SYNE1: variants seen among roughly 807,000 people sequenced by gnomAD.
SYNE1 encodes nesprin-1.
Under a neutral mutation model 1,111.0 loss-of-function variants are expected in SYNE1, and 616 were observed. That is an observed-to-expected ratio of 0.55 (90% CI 0.52 to 0.59). The LOEUF (loss-of-function observed/expected upper bound fraction) is 0.59, where lower values mean the gene tolerates loss of function less well. Among genes scored for constraint, SYNE1 ranks in the 20% least tolerant of loss-of-function variants. The probability of loss-of-function intolerance (pLI) is 0.00; values close to 1 mark genes in which losing one functional copy is unlikely to be tolerated. For missense variants in SYNE1, 10,006 were observed against 10,417.0 expected, an observed-to-expected ratio of 0.96 and a Z score of 1.72; for synonymous variants, 3,855 against 3,825.8, an observed-to-expected ratio of 1.01 and a Z score of -0.28.
At chr6:152,449,691 A>G (rs929855821) in intron 27 of SYNE1, 50 bp from the exon 28 acceptor site, 2 of 1,354,796 alleles carry the variant, frequency 1.5e-6, no homozygotes, top group Middle Eastern at 1.8e-4. Flanking sequence ...TACCAGAATG[A>G]TCAGAATATG....
intron 127 of SYNE1, among the ~76,000 whole-genome samples, chr6:152,197,739 T>C (rs545759087): frequency 5.3e-5 from 8 of 152,312 alleles, no homozygotes; most frequent in Admixed American, 2.0e-4. Context: ...TGGTGCCATC[T>C]GGGTTTTGTT....
chr6:152,525,989 G>A, intron 5 of SYNE1, 91 bp downstream of exon 5: 2 of 1,160,314 alleles, frequency 1.7e-6, no homozygotes, highest in East Asian at 2.4e-5. Flanking sequence ...TCTTTTACCT[G>A]GGCAGCACAT....
intron 4 of SYNE1, among the ~76,000 whole-genome samples, chr6:152,527,146 A>G (rs1419864163): frequency 2.6e-5 from 4 of 152,156 alleles, no homozygotes; most frequent in African/African-American, 9.7e-5. Context: ...CTGACTTTCA[A>G]TGTTCTTTCT....
rs756840607 is a variant in SYNE1, at chr6:152,347,081, G to T, written c.12056C>A (p.Ala4019Glu). The change falls in exon 73 of 146, where the codon GCG becomes GAG. Residue 4019 changes from alanine (A) to glutamate (E), a missense_variant. Physicochemically the swap from Ala to Glu is moderately radical, Grantham distance 107. Around this residue, in one of 7 missense-constraint regions of SYNE1, gnomAD observed 4,955 missense variants for 5,017.2 expected, o/e 0.99. Transcript: ENST00000367255. ...HLQGTKDSYSAICSTAQRMYQ... is the reference protein window; with the variant it reads ...HLQGTKDSYSEICSTAQRMYQ... Reference sequence around the variant, plus strand: ...CACCCTCTGAGCTGTGCTGCAGATCGCTGAGTAGCTGTCCTTTGTGCCCTG... The same window carrying T: ...CACCCTCTGAGCTGTGCTGCAGATCTCTGAGTAGCTGTCCTTTGTGCCCTG... The T allele has an allele frequency of 4.3e-6, 7 of 1,614,018 alleles. No homozygotes were observed. The highest frequency in any genetic ancestry group is 5.1e-6 in the Non-Finnish European group (6 of 1,180,034).
At chr6:152,186,383 C>A (rs1227672117) in intron 128 of SYNE1, among the ~76,000 whole-genome samples, 1 of 151,224 alleles carries the variant, frequency 6.6e-6, no homozygotes, top group African/African-American at 2.4e-5. Flanking sequence ...ATGGAGAAAC[C>A]CTGTCTCTAC....
intron 34 of SYNE1, 55 bp from the exon 35 acceptor site, chr6:152,430,764 G>A: frequency 6.8e-7 from 1 of 1,463,940 alleles, no homozygotes; most frequent in Non-Finnish European, 9.6e-7. Context: ...TTGCCTTCCT[G>A]AAATGATACA....
chr6:152,544,069 C>T, intron 3 of SYNE1, among the ~76,000 whole-genome samples: 1 of 152,156 alleles, frequency 6.6e-6, no homozygotes, highest in East Asian at 1.9e-4. Flanking sequence ...CAAGTAACAA[C>T]TTTATTAACA....
intron 56 of SYNE1, among the ~76,000 whole-genome samples, chr6:152,379,561 T>A (rs2097360623): frequency 6.6e-6 from 1 of 152,190 alleles, no homozygotes; most frequent in Non-Finnish European, 1.5e-5. Context: ...TTTGTTAACA[T>A]TTTCTTACAT....
intron 3 of SYNE1, among the ~76,000 whole-genome samples, chr6:152,544,588 T>G (rs1391759752): frequency 6.6e-6 from 1 of 152,204 alleles, no homozygotes; most frequent in Non-Finnish European, 1.5e-5. Flanking sequence ...TTTCTGCATT[T>G]CTTTGCCCAT....
chr6:152,414,175 G>A (rs114775540), intron 41 of SYNE1, among the ~76,000 whole-genome samples: 6,411 of 152,028 alleles, frequency 0.042, 256 homozygotes, highest in African/African-American at 0.096. Flanking sequence ...AGGCCAAGGT[G>A]GGAGAACTGC....
chr6:152,227,546 T>C (rs1313303405), intron 115 of SYNE1, among the ~76,000 whole-genome samples: 1 of 152,176 alleles, frequency 6.6e-6, no homozygotes, highest in Admixed American at 6.5e-5. Flanking sequence ...AATATAGTGA[T>C]TGCTGGGGTT....
Position 152,189,180 on chromosome 6 carries a change from C to T in SYNE1, c.23301+72G>A. The T allele has an allele frequency of 2.6e-6, 4 of 1,554,172 alleles. No homozygotes were observed. In the South Asian group the frequency reaches 4.5e-5, roughly 17 times the overall value. ...TGGGCCGGGTCCACATGTGGGTTAA[C>T]CCATCTGACGTTCAAATTCATCTCC... On this transcript the variant is annotated intron_variant, in intron 128 of 145. Coordinates refer to ENST00000367255, the MANE Select transcript of SYNE1 (RefSeq NM_182961.4).
intron 74 of SYNE1, among the ~76,000 whole-genome samples, chr6:152,343,312 C>G (rs2096570513): frequency 6.6e-6 from 1 of 151,310 alleles, no homozygotes; most frequent in Non-Finnish European, 1.5e-5. Context: ...GCGCCTGCCA[C>G]CATGCCCAGC....
rs1591258886 is a variant in SYNE1 at position 152,367,708 on chromosome 6, T to C, written c.9808-326A>G. 6 of 358,120 alleles carry C rather than the reference T, an allele frequency of 1.7e-5. No individual in the cohort carries two copies. In the East Asian group the frequency reaches 3.3e-4, roughly 20 times the overall value. The allele number at this position is 358,120 out of a possible 1,614,324, so 22.2% of individuals were successfully genotyped here. ...CAAAGTAGTTTCTAGTTTTCACATA[T>C]CACATTAGGCTCACCTGACACAACA... On this transcript the variant is annotated intron_variant, in intron 61 of 145. Coordinates refer to ENST00000367255, the MANE Select transcript of SYNE1 (RefSeq NM_182961.4).
intron 11 of SYNE1, among the ~76,000 whole-genome samples, chr6:152,492,092 G>A (rs2098973602): frequency 6.6e-6 from 1 of 152,162 alleles, no homozygotes; most frequent in Non-Finnish European, 1.5e-5. Flanking sequence ...TTAGTGTTCA[G>A]GCTCTTTTTC....
rs780150533 is a variant in SYNE1, at chr6:152,225,779, C to G, written c.21293G>C (p.Ser7098Thr). 16 of 1,613,980 alleles carry G rather than the reference C, an allele frequency of 9.9e-6. No homozygotes were observed. The South Asian group carries it at 1.6e-4, about 17-fold the overall frequency. The change falls in exon 116 of 146, where the codon AGC (serine) becomes ACC (threonine). Residue 7098 changes from serine to threonine, a missense_variant. Physicochemically the swap from Ser to Thr is moderately conservative, Grantham distance 58. Transcript: ENST00000367255. ...LIQNKKEDVS[S>T]IVMSTLRELG... ...CTCTCGCAGTGTGCTCATGACAATG[C>G]TAGAGACGTCTTCTTTCTTGTTCTG...
At position 152,400,867 on chromosome 6, in the gene SYNE1, G is replaced by GA. The variant is rs112642831; in HGVS notation, c.7029+270dup. On this transcript the variant is annotated intron_variant, in intron 47 of 145. Transcript: ENST00000367255. Reference sequence around the variant, plus strand: ...AGAGGCTCCACCCTTTTATAAAAAAGAAAAAAAAACTTTGAACAAGCATAG... The same window carrying GA: ...AGAGGCTCCACCCTTTTATAAAAAAGAAAAAAAAAACTTTGAACAAGCATAG... Among the ~76,000 whole-genome samples the GA allele has an allele frequency of 0.11, 16,630 of 151,132 alleles. 1,272 individuals are homozygous for GA. The highest frequency in any genetic ancestry group is 0.35 in the East Asian group (1,805 of 5,130).
At chr6:152,550,938 GT>G (rs1216904807) in intron 3 of SYNE1, among the ~76,000 whole-genome samples, 2 of 152,132 alleles carry the variant, frequency 1.3e-5, no homozygotes, top group Non-Finnish European at 2.9e-5. Flanking sequence ...CACTCAGAGA[GT>G]AATAATCACA....
At chr6:152,161,102 G>A (rs1005405862) in intron 131 of SYNE1, among the ~76,000 whole-genome samples, 2 of 149,808 alleles carry the variant, frequency 1.3e-5, no homozygotes, top group East Asian at 3.9e-4. Flanking sequence ...ATCCAATTCA[G>A]TTATTTTATA....
Sources: gnomAD v4.1 joint callset for allele counts (sites outside exome capture counted in the v4.1 genomes callset) on GRCh38, gnomAD v4.1.1 for gene constraint, gnomAD v4.1.1 regional missense constraint, MANE v1.5 for transcripts, NCBI Gene and HGNC (gene_info 2026-07-23, HGNC 2026-07-21) for gene names.